CFAP161: variants seen among roughly 807,000 people sequenced by gnomAD.
The protein encoded by CFAP161 is cilia- and flagella-associated protein 161.
CFAP161 carries 25 observed loss-of-function variants against 29.0 expected under a neutral mutation model. That is an observed-to-expected ratio of 0.86 (90% CI 0.63 to 1.20). CFAP161 has a LOEUF of 1.20. Among genes scored for constraint, CFAP161 ranks in the 50% most tolerant of loss-of-function variants. The probability of loss-of-function intolerance (pLI) is 0.00; values close to 1 mark genes in which losing one functional copy is unlikely to be tolerated. For missense variants in CFAP161, 367 were observed against 371.9 expected (o/e 0.99, Z 0.11); for synonymous variants, 116 against 137.4 (o/e 0.84, Z 1.09).
chr15:81,140,708 A>G (rs1894893128), intron 4 of CFAP161, among the ~76,000 whole-genome samples: 1 of 151,806 alleles, frequency 6.6e-6, no homozygotes, highest in African/African-American at 2.4e-5. Context: ...ACAGGTGCAC[A>G]CCATTATACC....
At chr15:81,133,487 T>C (rs761926783), upstream of CFAP161, among the ~76,000 whole-genome samples, 7 of 152,146 alleles carry the variant, frequency 4.6e-5, no homozygotes, top group Non-Finnish European at 1.0e-4. Context: ...AGTCATGTCT[T>C]ACTAGACACT....
At chr15:81,123,387 A>G (rs1445151526) in intron 1 of CFAP161, among the ~76,000 whole-genome samples, 8 of 152,100 alleles carry the variant, frequency 5.3e-5, no homozygotes, top group Admixed American at 5.2e-4. Flanking sequence ...CTTCTGTTCC[A>G]TTGGTCCATG....
At chr15:81,102,607 G>A (rs988025728) in intron 1 of CFAP161, among the ~76,000 whole-genome samples, 1 of 152,234 alleles carries the variant, frequency 6.6e-6, no homozygotes, top group African/African-American at 2.4e-5. Flanking sequence ...GGTGAAGGCT[G>A]CAGTGAGCTG....
chr15:81,138,003 C>A, intron 3 of CFAP161, 48 bp from the exon 4 acceptor site: 1 of 1,399,656 alleles, frequency 7.1e-7, no homozygotes, highest in South Asian at 1.2e-5. Flanking sequence ...TAGAATGATT[C>A]TAATACAGAG....
At chr15:81,136,217 G>T (rs1894806420) in intron 2 of CFAP161, among the ~76,000 whole-genome samples, 2 of 152,206 alleles carry the variant, frequency 1.3e-5, no homozygotes, top group African/African-American at 4.8e-5. Flanking sequence ...GAGTTAATAT[G>T]TAAATAAGTA....
At chr15:81,110,606 A>T (rs9920677) in intron 1 of CFAP161, among the ~76,000 whole-genome samples, 304 of 152,302 alleles carry the variant, frequency 2.0e-3, no homozygotes, top group African/African-American at 6.9e-3. Flanking sequence ...TCCCATACCC[A>T]CCAGAGTGTT....
chr15:81,110,260 C>T (rs539539848), intron 1 of CFAP161, among the ~76,000 whole-genome samples: 1 of 152,160 alleles, frequency 6.6e-6, no homozygotes, highest in East Asian at 1.9e-4. Context: ...AAGAAGTCTC[C>T]CCTGCTTAAA....
intron 1 of CFAP161, among the ~76,000 whole-genome samples, chr15:81,101,331 A>G (rs1320665181): frequency 6.6e-6 from 1 of 151,838 alleles, no homozygotes; most frequent in African/African-American, 2.4e-5. Context: ...GTTTGAGACC[A>G]GCCTGGCCAA....
chr15:81,128,567 T>G (rs1019676831), intron 2 of CFAP161, among the ~76,000 whole-genome samples: 1 of 152,226 alleles, frequency 6.6e-6, no homozygotes, highest in Non-Finnish European at 1.5e-5. Context: ...TCTAGTTTTC[T>G]TGTTATATCC....
intron 1 of CFAP161, among the ~76,000 whole-genome samples, chr15:81,116,194 C>T (rs917158559): frequency 3.9e-5 from 6 of 152,124 alleles, no homozygotes; most frequent in African/African-American, 7.2e-5. Flanking sequence ...TGTGGAATTT[C>T]GGTTACACCA....
chr15:81,146,831 AATATATATATATATAT>A (rs3086710), intron 5 of CFAP161, among the ~76,000 whole-genome samples: 1,667 of 70,516 alleles, frequency 0.024, 35 homozygotes, highest in Non-Finnish European at 0.03. Context: ...GATAGCTACA[AATATATATATATATAT>A]ATATATATAT....
chr15:81,136,883 T>C, intron 3 of CFAP161, 135 bp downstream of exon 3: 1 of 699,546 alleles, frequency 1.4e-6, no homozygotes, highest in Non-Finnish European at 2.4e-6. Context: ...CATCTTGCTT[T>C]GCTTACCTTG....
chr15:81,103,591 G>A (rs983684109), intron 1 of CFAP161, among the ~76,000 whole-genome samples: 4 of 152,156 alleles, frequency 2.6e-5, no homozygotes, highest in Non-Finnish European at 4.4e-5. Context: ...GCATGGAAGC[G>A]CCGCGTCCCG....
chr15:81,110,046 C>T (rs1248138778), intron 1 of CFAP161, among the ~76,000 whole-genome samples: 2 of 152,078 alleles, frequency 1.3e-5, no homozygotes, highest in Non-Finnish European at 2.9e-5. Context: ...GATACGAGAT[C>T]TTTGCAAACT....
At chr15:81,126,827 G>A (rs1244407857) in intron 1 of CFAP161, among the ~76,000 whole-genome samples, 1 of 152,168 alleles carries the variant, frequency 6.6e-6, no homozygotes, top group East Asian at 1.9e-4. Flanking sequence ...TGATTTGAAA[G>A]TTCTTAAAGA....
rs114848432 is a variant in CFAP161, at chr15:81,113,607, G to A, written c.-141-13983G>A. ...CGTTTACTGATTTATTACAAAGGAT[G>A]TTATAAAGGATACAACTCAGTAACA... On this transcript the variant is annotated intron_variant, in intron 1 of 4. Transcript: ENST00000560091. 2.4e-3 allele frequency among the ~76,000 whole-genome samples: 370 copies of A among 152,294 alleles called. 3 individuals are homozygous for A. Among genetic ancestry groups the A allele is most frequent in the African/African-American group, 8.7e-3 (361 of 41,568 alleles).
At chr15:81,114,732 C>T (rs1024056740) in intron 1 of CFAP161, among the ~76,000 whole-genome samples, 9 of 152,090 alleles carry the variant, frequency 5.9e-5, no homozygotes, top group Non-Finnish European at 8.8e-5. Flanking sequence ...GGCGCGATCT[C>T]GGCTCACTGC....
rs1894814454 is a variant in CFAP161 at position 81,136,629 on chromosome 15, C to A, written c.273C>A (p.Ser91Arg). 6.2e-7 allele frequency: 1 copy of A among 1,614,020 alleles called. No individual in the cohort carries two copies. ...EADVFLRGDL[S>R]LCMTPDEIQS... Reference sequence around the variant, plus strand: ...ATGTGTTTCTGCGTGGGGACCTGAGCCTGTGTATGACTCCAGATGAAATTC... The same window carrying A: ...ATGTGTTTCTGCGTGGGGACCTGAGACTGTGTATGACTCCAGATGAAATTC... Residue 91 changes from serine (S) to arginine (R), a missense_variant, in exon 3 of 7, where the codon AGC becomes AGA. By Grantham distance (110) the Ser-to-Arg change is moderately radical (BLOSUM62 -1). Transcript: ENST00000286732.
intron 1 of CFAP161, chr15:81,117,932 C>T: frequency 2.3e-6 from 1 of 440,278 alleles, no homozygotes; most frequent in Non-Finnish European, 4.3e-6. Flanking sequence ...GAGTCAGGGG[C>T]TTCCTGGTCC....
Sources: allele counts gnomAD v4.1 joint callset (sites outside exome capture counted in the v4.1 genomes callset), GRCh38; gene constraint gnomAD v4.1.1; transcripts MANE v1.5; gene names NCBI Gene and HGNC (gene_info 2026-07-23, HGNC 2026-07-21).